Variants in SNX6 observed in about 807,000 individuals in gnomAD.
SNX6 encodes sorting nexin-6.
In SNX6, 34 loss-of-function variants were observed where a neutral mutation model predicts 63.0. The observed-to-expected ratio is 0.54, with a 90% CI of 0.41 to 0.72. The LOEUF (loss-of-function observed/expected upper bound fraction) is 0.72, where lower values mean the gene tolerates loss of function less well. Among genes scored for constraint, SNX6 ranks in the 30% least tolerant of loss-of-function variants. SNX6 has a pLI of 0.00. For synonymous variants in SNX6, 170 were observed against 164.2 expected (o/e 1.04, Z -0.27); for missense variants, 398 against 471.4 (o/e 0.84, Z 1.44).
chr14:34,568,209 A>G (rs1285739652), intron 11 of SNX6, among the ~76,000 whole-genome samples, 196 bp from the exon 12 acceptor site: 1 of 144,222 alleles, frequency 6.9e-6, no homozygotes, highest in African/African-American at 2.6e-5. Flanking sequence ...CAATGGCGTG[A>G]TCTTGGCTCA....
chr14:34,606,312 G>T (rs1883018045), intron 4 of SNX6, among the ~76,000 whole-genome samples: 1 of 151,810 alleles, frequency 6.6e-6, no homozygotes, highest in Non-Finnish European at 1.5e-5. Context: ...GTAGAGACGG[G>T]GTTTCGCCAT....
intron 11 of SNX6, 153 bp downstream of exon 11, chr14:34,575,603 A>G (rs757335004): frequency 2.4e-6 from 1 of 422,432 alleles, no homozygotes; most frequent in Non-Finnish European, 4.4e-6. Context: ...ATACACATAT[A>G]TACAATTTCT....
In SNX6 at chr14:34,564,838, A is replaced by G. The variant is rs892508081; in HGVS notation, c.1168-1663T>C. Among the ~76,000 whole-genome samples, 102 of 151,840 alleles carry G rather than the reference A, an allele frequency of 6.7e-4. 1 individual carries two copies. The highest frequency in any genetic ancestry group is 3.2e-3 in the Middle Eastern group (1 of 316). ...AGTGAAACTAAGTATCAAAAAAAAA[A>G]AAAAAAGTATAGAATCTGGAAACTG... is the stretch of plus-strand genomic sequence containing the variant. On this transcript the variant is annotated intron_variant, in intron 13 of 13. Coordinates refer to ENST00000362031, the MANE Select transcript of SNX6 (RefSeq NM_152233.4).
At position 34,575,756 on chromosome 14, in the gene SNX6, C is replaced by G; in HGVS notation, c.921G>C (p.Lys307Asn). The G allele has an allele frequency of 1.3e-6, 2 of 1,552,748 alleles. No homozygotes were observed. Among genetic ancestry groups the G allele is most frequent in the Non-Finnish European group, 1.8e-6 (2 of 1,141,254 alleles). The change falls in exon 11 of 14, where the codon AAG becomes AAC. Residue 307 changes from lysine (K) to asparagine (N), a missense_variant and splice_region_variant. Lys to Asn is a moderately conservative substitution (Grantham distance 94, BLOSUM62 0). Coordinates refer to ENST00000362031, the MANE Select transcript of SNX6 (RefSeq NM_152233.4). Reference protein sequence around the residue: ...KYYLRESQAAKDLLYRRSRSL... With the variant: ...KYYLRESQAANDLLYRRSRSL... ...TCATTTAAAAAAAGATTAAAATTAC[C>G]TTAGCAGCTTGAGATTCTCTTAAGT...
At chr14:34,626,668 C>CAA (rs56118978) in intron 2 of SNX6, among the ~76,000 whole-genome samples, 3 of 126,556 alleles carry the variant, frequency 2.4e-5, no homozygotes, top group African/African-American at 6.1e-5. Flanking sequence ...GACTCCATTT[C>CAA]AAAAAAAAAA....
At chr14:34,628,952 G>T (rs1240045018) in intron 2 of SNX6, among the ~76,000 whole-genome samples, 1 of 152,028 alleles carries the variant, frequency 6.6e-6, no homozygotes, top group African/African-American at 2.4e-5. Context: ...GAGTGGGGTG[G>T]GAGGGAGGAA....
chr14:34,571,338 CAGG>C (rs1304042904), intron 11 of SNX6, among the ~76,000 whole-genome samples: 1 of 151,758 alleles, frequency 6.6e-6, no homozygotes, highest in Non-Finnish European at 1.5e-5. Context: ...GAGGCTGAGG[CAGG>C]AGAATGGCGT....
At chr14:34,590,797 T>C (rs1882361786) in intron 8 of SNX6, among the ~76,000 whole-genome samples, 1 of 152,214 alleles carries the variant, frequency 6.6e-6, no homozygotes. Context: ...CAAAAAGTTA[T>C]ATAGAAATGG....
intron 6 of SNX6, among the ~76,000 whole-genome samples, chr14:34,602,991 A>C (rs1274888004): frequency 7.3e-6 from 1 of 137,552 alleles, no homozygotes; most frequent in Non-Finnish European, 1.6e-5. Flanking sequence ...AAAAAAAAAA[A>C]CTTGGGCTGG....
chr14:34,583,500 C>T (rs1882027975), intron 9 of SNX6, among the ~76,000 whole-genome samples: 1 of 149,562 alleles, frequency 6.7e-6, no homozygotes, highest in Admixed American at 6.8e-5. Flanking sequence ...ACCTATGGTC[C>T]CAGCTACCCA....
chr14:34,627,741 C>T (rs772029132), intron 2 of SNX6, among the ~76,000 whole-genome samples: 5 of 152,094 alleles, frequency 3.3e-5, no homozygotes, highest in Admixed American at 6.6e-5. Flanking sequence ...CCACTCACTT[C>T]GGCCTCCCAA....
chr14:34,580,147 C>A (rs1594706428), intron 10 of SNX6, among the ~76,000 whole-genome samples: 1 of 152,148 alleles, frequency 6.6e-6, no homozygotes, highest in East Asian at 1.9e-4. Flanking sequence ...CCACTGCACT[C>A]CAGCCTCCGG....
In SNX6 at chr14:34,617,607, CAAA is replaced by C. The variant is rs34716944; in HGVS notation, c.55-7868_55-7866del. ...TGGGTGACAGAGTGAGACCCTGTCTCAAAAAAAAAAAAAAAAAAAAAAAAAAGA... is the reference window on the plus strand; with the variant it reads ...TGGGTGACAGAGTGAGACCCTGTCTCAAAAAAAAAAAAAAAAAAAAAAAGA... On this transcript the variant is annotated intron_variant, in intron 2 of 13. Coordinates refer to ENST00000362031, the MANE Select transcript of SNX6 (RefSeq NM_152233.4). Among the ~76,000 whole-genome samples the C allele has an allele frequency of 5.5e-4, 37 of 66,928 alleles. No individual in the cohort carries two copies. The South Asian group carries it at 7.1e-3, about 13-fold the overall frequency. 43.9% of individuals were successfully genotyped at this position (66,928 alleles called of 152,430 possible). A position where few individuals can be genotyped will look rare whatever the true frequency, so the allele number is the denominator to read the frequency against.
intron 11 of SNX6, among the ~76,000 whole-genome samples, chr14:34,574,474 A>C (rs1881599521): frequency 6.6e-6 from 1 of 151,860 alleles, no homozygotes; most frequent in Admixed American, 6.6e-5. Context: ...ACATAGGGAA[A>C]TCCCGCCTCT....
At chr14:34,600,206 C>T (rs1418306000) in intron 6 of SNX6, among the ~76,000 whole-genome samples, 1 of 152,138 alleles carries the variant, frequency 6.6e-6, no homozygotes, top group African/African-American at 2.4e-5. Flanking sequence ...CTCACTGCAG[C>T]CTCCGCCTCC....
At chr14:34,565,834 C>T (rs977779814) in intron 13 of SNX6, among the ~76,000 whole-genome samples, 1 of 152,130 alleles carries the variant, frequency 6.6e-6, no homozygotes, top group African/African-American at 2.4e-5. Context: ...GGACCACAGG[C>T]GCCCGCCACC....
chr14:34,624,616 T>C (rs1429407356), intron 2 of SNX6, among the ~76,000 whole-genome samples: 1 of 151,714 alleles, frequency 6.6e-6, no homozygotes, highest in African/African-American at 2.4e-5. Flanking sequence ...GCCAACATGG[T>C]GAAACCTCGT....
intron 13 of SNX6, among the ~76,000 whole-genome samples, chr14:34,564,922 A>G (rs909554701): frequency 2.0e-5 from 3 of 152,040 alleles, no homozygotes; most frequent in Admixed American, 1.3e-4. Context: ...AGGCTAAATA[A>G]TAAGTATTTT....
rs1880997989 is a variant in SNX6 at position 34,562,995 on chromosome 14, G to A, written c.*127C>T. On this transcript the variant is annotated 3_prime_UTR_variant, in exon 14 of 14. Transcript: ENST00000362031. ...TGCTCCATGTTTCTCAGAAAAAGAG[G>A]AGTTGATGCACTTTTTCAGCTGCTT... 1 of 878,084 alleles carries A rather than the reference G, an allele frequency of 1.1e-6. No individual in the cohort carries two copies. Among genetic ancestry groups the A allele is most frequent in the Middle Eastern group, 2.7e-4 (1 of 3,740 alleles). 54.4% of individuals were successfully genotyped at this position (878,084 alleles called of 1,614,324 possible). A position where few individuals can be genotyped will look rare whatever the true frequency, so the allele number is the denominator to read the frequency against.
Sources: gnomAD v4.1 joint callset for allele counts (sites outside exome capture counted in the v4.1 genomes callset) on GRCh38, gnomAD v4.1.1 for gene constraint, MANE v1.5 for transcripts, NCBI Gene and HGNC (gene_info 2026-07-23, HGNC 2026-07-21) for gene names.